Variants in PRKCE observed in about 807,000 individuals in gnomAD.
PRKCE encodes protein kinase C epsilon.
In PRKCE, 16 loss-of-function variants were observed where a neutral mutation model predicts 85.4. The observed-to-expected ratio is 0.19, with a 90% CI of 0.13 to 0.28. PRKCE has a LOEUF of 0.28. Ranked by LOEUF, PRKCE falls within the 10% of genes least tolerant of loss-of-function variation. PRKCE has a pLI of 1.00. For missense variants in PRKCE, 573 were observed against 975.2 expected, an observed-to-expected ratio of 0.59 and a Z score of 5.49; for synonymous variants, 388 against 371.5, an observed-to-expected ratio of 1.04 and a Z score of -0.51.
At chr2:45,863,147 A>C (rs1362984033) in intron 2 of PRKCE, among the ~76,000 whole-genome samples, 1 of 152,142 alleles carries the variant, frequency 6.6e-6, no homozygotes, top group Non-Finnish European at 1.5e-5. Context: ...GGTATGCAGA[A>C]TTAGGCTACT....
At position 45,792,139 on chromosome 2, in the gene PRKCE, C is replaced by T. The variant is rs946746571; in HGVS notation, c.349-50861C>T. Among the ~76,000 whole-genome samples, 6 of 152,224 alleles carry T rather than the reference C, an allele frequency of 3.9e-5. No individual in the cohort carries two copies. The South Asian group carries it at 8.3e-4, about 21-fold the overall frequency. ...CTGCTTGGCATCTGGTGAGGGCTTT[C>T]GTGCTGTGTCACAACATGGCAGAAG... On this transcript the variant is annotated intron_variant, in intron 1 of 14. Coordinates refer to ENST00000306156, the MANE Select transcript of PRKCE (RefSeq NM_005400.3).
chr2:45,829,734 A>T (rs1342625885), intron 1 of PRKCE, among the ~76,000 whole-genome samples: 1 of 152,172 alleles, frequency 6.6e-6, no homozygotes, highest in African/African-American at 2.4e-5. Flanking sequence ...GTGGAACCAT[A>T]TGCTCCCCAC....
In PRKCE at chr2:45,774,102, T is replaced by C. The variant is rs1031044013; in HGVS notation, c.349-68898T>C. ...TCTTGGGGGACCCACCCTTTGTTGG[T>C]AGGACCTCCCTTGGAGAGATGGGGG... On this transcript the variant is annotated intron_variant, in intron 1 of 14. Transcript: ENST00000306156. The surrounding 1 kb of genome is among the most constrained non-coding windows in gnomAD (Gnocchi z 4.3). Among the ~76,000 whole-genome samples the C allele has an allele frequency of 6.6e-6, 1 of 152,108 alleles. No individual in the cohort carries two copies. The highest frequency in any genetic ancestry group is 1.5e-5 in the Non-Finnish European group (1 of 67,996).
At chr2:46,076,535 A>G (rs1324932274) in intron 10 of PRKCE, among the ~76,000 whole-genome samples, 2 of 152,120 alleles carry the variant, frequency 1.3e-5, no homozygotes, top group African/African-American at 4.8e-5. Flanking sequence ...GCTTTAGGTC[A>G]CTCTAAACTT....
At chr2:46,046,344 A>G (rs747813899) in intron 10 of PRKCE, among the ~76,000 whole-genome samples, 31 of 152,132 alleles carry the variant, frequency 2.0e-4, no homozygotes, top group Non-Finnish European at 4.4e-4. Flanking sequence ...AGGGCTAGAG[A>G]TCATTTCCCC....
At chr2:46,022,342 A>G (rs1335826683) in intron 10 of PRKCE, among the ~76,000 whole-genome samples, 1 of 152,194 alleles carries the variant, frequency 6.6e-6, no homozygotes, top group African/African-American at 2.4e-5. Flanking sequence ...TGACAATGCA[A>G]TTCATTGGGA....
At chr2:45,827,666 C>T (rs1412538199) in intron 1 of PRKCE, among the ~76,000 whole-genome samples, 2 of 152,206 alleles carry the variant, frequency 1.3e-5, no homozygotes, top group East Asian at 3.8e-4. Context: ...CAGTTTAGTG[C>T]ACCATTAGAT....
At chr2:45,865,650 C>G (rs1046733233) in intron 2 of PRKCE, among the ~76,000 whole-genome samples, 1 of 152,154 alleles carries the variant, frequency 6.6e-6, no homozygotes, top group African/African-American at 2.4e-5. Flanking sequence ...AGCATTCAGC[C>G]TGCTTGCCTT....
intron 1 of PRKCE, among the ~76,000 whole-genome samples, chr2:45,797,161 T>A (rs1164034777): frequency 6.6e-6 from 1 of 152,150 alleles, no homozygotes; most frequent in African/African-American, 2.4e-5. Flanking sequence ...AGGTATAGTA[T>A]CATTAGCTTG....
chr2:45,767,728 G>A (rs1325481184), intron 1 of PRKCE, among the ~76,000 whole-genome samples: 2 of 152,200 alleles, frequency 1.3e-5, no homozygotes, highest in Non-Finnish European at 2.9e-5. Context: ...TCTCTAGCAT[G>A]CATGTCCATT....
At chr2:45,830,397 A>T (rs1690324729) in intron 1 of PRKCE, among the ~76,000 whole-genome samples, 1 of 152,222 alleles carries the variant, frequency 6.6e-6, no homozygotes, top group African/African-American at 2.4e-5. Context: ...GAAACTCAAG[A>T]TATTGTCAGA....
At position 45,865,815 on chromosome 2, in the gene PRKCE, C is replaced by CTTCTTCTTCTT. The variant is rs779577778; in HGVS notation, c.412+22754_412+22755insCTTCTTCTTTT. Among the ~76,000 whole-genome samples, 834 of 133,652 alleles carry CTTCTTCTTCTT rather than the reference C, an allele frequency of 6.2e-3. 11 individuals carry two copies. Among genetic ancestry groups the CTTCTTCTTCTT allele is most frequent in the African/African-American group, 0.02 (734 of 35,838 alleles). The allele number at this position is 133,652 out of a possible 152,430, so 87.7% of individuals were successfully genotyped here. ...AGAAAATAAGTTTCTTCTTCTTCTT[C>CTTCTTCTTCTT]TTTTTTTTTTTTTTTTTTTTGAGAC... On this transcript the variant is annotated intron_variant, in intron 2 of 14. Coordinates refer to ENST00000306156, the MANE Select transcript of PRKCE (RefSeq NM_005400.3).
intron 1 of PRKCE, among the ~76,000 whole-genome samples, chr2:45,805,732 G>T (rs1688194708): frequency 6.6e-6 from 1 of 152,038 alleles, no homozygotes; most frequent in Non-Finnish European, 1.5e-5. Context: ...AAGTAGCTGG[G>T]ATTACAGGCA....
At chr2:45,847,053 G>T (rs780565863) in intron 2 of PRKCE, among the ~76,000 whole-genome samples, 1 of 152,342 alleles carries the variant, frequency 6.6e-6, no homozygotes, top group African/African-American at 2.4e-5. Flanking sequence ...TACCAAAGAG[G>T]CGACTTAACA....
At chr2:46,074,673 A>T (rs765780288) in intron 10 of PRKCE, among the ~76,000 whole-genome samples, 1 of 152,188 alleles carries the variant, frequency 6.6e-6, no homozygotes, top group Non-Finnish European at 1.5e-5. Context: ...TTCTGGAATC[A>T]GAGTGGCAGC....
chr2:45,793,114 C>G (rs1165297335), intron 1 of PRKCE, among the ~76,000 whole-genome samples: 2 of 152,190 alleles, frequency 1.3e-5, no homozygotes, highest in Non-Finnish European at 2.9e-5. Flanking sequence ...AATTTATTTG[C>G]CCTTCCTTGT....
intron 1 of PRKCE, among the ~76,000 whole-genome samples, chr2:45,800,603 C>A (rs1044905674): frequency 1.3e-5 from 2 of 152,174 alleles, no homozygotes; most frequent in African/African-American, 4.8e-5. Context: ...GAGAGAAGGA[C>A]AAGGGAGAGC....
At chr2:46,067,618 A>G (rs1667730855) in intron 10 of PRKCE, among the ~76,000 whole-genome samples, 1 of 152,256 alleles carries the variant, frequency 6.6e-6, no homozygotes, top group Non-Finnish European at 1.5e-5. Flanking sequence ...CAAAAGAAGA[A>G]TGAGCACTTT....
rs1170933914 is a variant in PRKCE at position 46,085,736 on chromosome 2, G to GTTTTTT, written c.1438-465_1438-460dup. Among the ~76,000 whole-genome samples, 53 of 104,560 alleles carry GTTTTTT rather than the reference G, an allele frequency of 5.1e-4. 7 individuals are homozygous for GTTTTTT. Among genetic ancestry groups the GTTTTTT allele is most frequent in the East Asian group, 9.9e-4 (3 of 3,024 alleles). 68.6% of individuals were successfully genotyped at this position (104,560 alleles called of 152,430 possible). ...TCACTTAATTACATCTGCAAAATCCGTTTTTTTTTTTTGTTTTTGTTTTTT... is the reference window on the plus strand; with the variant it reads ...TCACTTAATTACATCTGCAAAATCCGTTTTTTTTTTTTTTTTTTGTTTTTGTTTTTT... On this transcript the variant is annotated intron_variant, in intron 10 of 14. Coordinates refer to ENST00000306156, the MANE Select transcript of PRKCE (RefSeq NM_005400.3).
Sources: gnomAD v4.1 joint callset for allele counts (sites outside exome capture counted in the v4.1 genomes callset) on GRCh38, gnomAD v4.1.1 for gene constraint, Gnocchi (gnomAD v3.1) non-coding constraint, MANE v1.5 for transcripts, NCBI Gene and HGNC (gene_info 2026-07-23, HGNC 2026-07-21) for gene names.